Variants in TRIP11 observed in about 807,000 individuals in gnomAD.
TRIP11 encodes the protein thyroid receptor-interacting protein 11.
Under a neutral mutation model 223.1 loss-of-function variants are expected in TRIP11, and 148 were observed. That is an observed-to-expected ratio of 0.66 (90% CI 0.58 to 0.76). The LOEUF (loss-of-function observed/expected upper bound fraction) is 0.76. TRIP11 is among the 30% of genes least tolerant of loss of function. The probability of loss-of-function intolerance (pLI) is 0.00; values close to 1 mark genes in which losing one functional copy is unlikely to be tolerated. For synonymous variants in TRIP11, 762 were observed against 772.6 expected, an observed-to-expected ratio of 0.99 and a Z score of 0.23; for missense variants, 2,043 against 2,222.0, an observed-to-expected ratio of 0.92 and a Z score of 1.62.
At chr14:91,993,999 C>T (rs564795202) in intron 14 of TRIP11, 87 bp from the exon 15 acceptor site, 88 of 986,066 alleles carry the variant, frequency 8.9e-5, no homozygotes, top group Admixed American at 7.7e-4. Flanking sequence ...AATAATCCAA[C>T]GAAAACAGTT....
At chr14:91,986,826 T>C (rs2056609818) in intron 16 of TRIP11, among the ~76,000 whole-genome samples, 1 of 152,218 alleles carries the variant, frequency 6.6e-6, no homozygotes, top group South Asian at 2.1e-4. Context: ...GTTTTCTAAA[T>C]AAATACTGCT....
chr14:92,015,918 A>G, intron 5 of TRIP11, 57 bp from the exon 6 acceptor site: 1 of 1,467,562 alleles, frequency 6.8e-7, no homozygotes, highest in Admixed American at 1.9e-5. Flanking sequence ...TATGTAAGCT[A>G]TATATTTAAC....
chr14:92,024,327 C>T (rs949482608), intron 3 of TRIP11, among the ~76,000 whole-genome samples: 1 of 149,640 alleles, frequency 6.7e-6, no homozygotes, highest in African/African-American at 2.5e-5. Context: ...GCCGAGATTG[C>T]ACCACTGCAC....
chr14:92,018,960 CAAAAAAAAAAAA>C lies in TRIP11; in HGVS notation c.589-1222_589-1211del, dbSNP rs567152333. 1.6e-4 allele frequency among the ~76,000 whole-genome samples: 11 copies of C among 70,892 alleles called. 1 individual carries two copies. In the Admixed American group the frequency reaches 1.6e-3, roughly 11 times the overall value. 46.5% of individuals were successfully genotyped at this position (70,892 alleles called of 152,430 possible). Reference sequence around the variant, plus strand: ...TGGTAGACAGAGCAAGACTCCATCTCAAAAAAAAAAAAAAAAAACAAAAAAAAAACTTTCAGT... The same window carrying C: ...TGGTAGACAGAGCAAGACTCCATCTCAAAAAACAAAAAAAAAACTTTCAGT... On this transcript the variant is annotated intron_variant, in intron 4 of 20. Coordinates refer to ENST00000267622, the MANE Select transcript of TRIP11 (RefSeq NM_004239.4).
chr14:91,980,005 G>GA (rs1566845545), intron 16 of TRIP11, among the ~76,000 whole-genome samples: 1 of 151,436 alleles, frequency 6.6e-6, no homozygotes, highest in Non-Finnish European at 1.5e-5. Flanking sequence ...GTGGAGGGGG[G>GA]AACTTTAAAA....
chr14:92,010,003 CT>C (rs771080022), intron 9 of TRIP11, among the ~76,000 whole-genome samples: 4 of 152,172 alleles, frequency 2.6e-5, no homozygotes, highest in Non-Finnish European at 5.9e-5. Context: ...ATATGCATCA[CT>C]TTTTAAAATT....
At chr14:91,975,037 T>C in intron 18 of TRIP11, 135 bp downstream of exon 18, 1 of 846,548 alleles carries the variant, frequency 1.2e-6, no homozygotes, top group South Asian at 1.4e-5. Context: ...TCTTCAATGT[T>C]GTATGAAGTA....
intron 2 of TRIP11, among the ~76,000 whole-genome samples, chr14:92,027,351 C>T (rs1717900369): frequency 6.6e-6 from 1 of 151,832 alleles, no homozygotes; most frequent in Admixed American, 6.6e-5. Flanking sequence ...AATCTTATTC[C>T]GAGCATTCCA....
At chr14:92,022,774 A>T (rs2057130446) in intron 3 of TRIP11, among the ~76,000 whole-genome samples, 1 of 152,246 alleles carries the variant, frequency 6.6e-6, no homozygotes, top group East Asian at 1.9e-4. Context: ...CATAAAGTTA[A>T]GCAAGTAGAC....
chr14:91,977,288 A>G (rs1312166473), intron 16 of TRIP11: 1 of 446,988 alleles, frequency 2.2e-6, no homozygotes, highest in East Asian at 7.1e-5. Flanking sequence ...ATGAAGTCCA[A>G]TGTACTTTTT....
In TRIP11 at chr14:92,005,851, T is replaced by C. The variant is rs768198425; in HGVS notation, c.2125A>G (p.Thr709Ala). Reference sequence around the variant, plus strand: ...TCCATTTTTAGAGTCTCCACAATAGTGTTTTTTTCCAGAGAAAGCTGATTG... The same window carrying C: ...TCCATTTTTAGAGTCTCCACAATAGCGTTTTTTTCCAGAGAAAGCTGATTG... ...GNNQLSLEKN[T>A]IVETLKMEKG... The change falls in exon 11 of 21, where the codon ACT becomes GCT. Residue 709 changes from threonine to alanine, a missense_variant. Thr to Ala is a moderately conservative substitution (Grantham distance 58, BLOSUM62 0). Transcript: ENST00000267622. 9.3e-6 allele frequency: 15 copies of C among 1,613,984 alleles called. No individual in the cohort carries two copies. The highest frequency in any genetic ancestry group is 1.6e-4 in the Middle Eastern group (1 of 6,082).
At chr14:91,971,096 T>C (rs1020967055) in intron 20 of TRIP11, among the ~76,000 whole-genome samples, 1 of 152,222 alleles carries the variant, frequency 6.6e-6, no homozygotes, top group Non-Finnish European at 1.5e-5. Flanking sequence ...TTTATTGGAA[T>C]AGGTAAATTC....
At chr14:92,024,055 GA>G (rs1054166602) in intron 3 of TRIP11, among the ~76,000 whole-genome samples, 3,431 of 143,422 alleles carry the variant, frequency 0.024, 138 homozygotes, top group African/African-American at 0.082. Flanking sequence ...GGGGAATCAA[GA>G]AAAAAAAAAA....
At position 92,011,044 on chromosome 14, in the gene TRIP11, T is replaced by G. The variant is rs762883174; in HGVS notation, c.1256A>C (p.Lys419Thr). 2 of 1,614,004 alleles carry G rather than the reference T, an allele frequency of 1.2e-6. No homozygotes were observed. Among genetic ancestry groups the G allele is most frequent in the South Asian group, 2.2e-5 (2 of 91,080 alleles). ...TAAAACTTCGATACGCATTTTAAGT[T>G]TCAGATTGTCTTCAGCAAGACTGTT... The part of the protein sequence containing the change: ...QDNSLAEDNL[K>T]LKMRIEVLEK... The change falls in exon 9 of 21, where the codon AAA (lysine) becomes ACA (threonine). Residue 419 changes from lysine to threonine, a missense_variant. Lys to Thr is a moderately conservative substitution (Grantham distance 78, BLOSUM62 -1). Transcript: ENST00000267622.
At chr14:91,989,236 T>C (rs2056643166) in intron 15 of TRIP11, among the ~76,000 whole-genome samples, 1 of 152,148 alleles carries the variant, frequency 6.6e-6, no homozygotes, top group African/African-American at 2.4e-5. Context: ...ATGCCATCTA[T>C]CCCCAGATAA....
intron 11 of TRIP11, 59 bp downstream of exon 11, chr14:92,003,360 A>T: frequency 6.3e-7 from 1 of 1,597,956 alleles, no homozygotes; most frequent in South Asian, 1.1e-5. Context: ...ATGAAATAAC[A>T]TTAAAAAAAG....
At position 92,006,230 on chromosome 14, in the gene TRIP11, C is replaced by T. The variant is rs2056900912; in HGVS notation, c.1746G>A (p.Glu582=). 1.9e-6 allele frequency: 3 copies of T among 1,612,778 alleles called. No homozygotes were observed. Among genetic ancestry groups the T allele is most frequent in the Admixed American group, 1.7e-5 (1 of 59,938 alleles). Residue 582 remains glutamate, a synonymous_variant, in exon 11 of 21, where the codon GAG becomes GAA. Coordinates refer to ENST00000267622, the MANE Select transcript of TRIP11 (RefSeq NM_004239.4). The part of the protein sequence containing the change: ...NDLHLTKQKL[E]DKVENLVDQL... ...GATCTACTAAATTTTCTACTTTGTC[C>T]TCAAGTTTCTGCTTGGTTAAATGTA...
At chr14:92,021,496 T>C (rs1403526741) in intron 4 of TRIP11, 60 bp downstream of exon 4, 6 of 1,567,000 alleles carry the variant, frequency 3.8e-6, no homozygotes, top group Non-Finnish European at 4.4e-6. Flanking sequence ...ATACAGTTTT[T>C]TATATTACAC....
intron 4 of TRIP11, among the ~76,000 whole-genome samples, chr14:92,017,964 T>TG (rs887392486): frequency 1.3e-5 from 2 of 152,172 alleles, no homozygotes; most frequent in Non-Finnish European, 2.9e-5. Flanking sequence ...TATTAACTAA[T>TG]GGGGGGGACA....
Sources: allele counts gnomAD v4.1 joint callset (sites outside exome capture counted in the v4.1 genomes callset), GRCh38; gene constraint gnomAD v4.1.1; transcripts MANE v1.5; gene names NCBI Gene and HGNC (gene_info 2026-07-23, HGNC 2026-07-21).